CIAO2A: variants seen among roughly 807,000 people sequenced by gnomAD.
The protein encoded by CIAO2A is MIP18 family protein FAM96A.
In CIAO2A, 17 loss-of-function variants were observed where a neutral mutation model predicts 22.4. The observed-to-expected ratio is 0.76, with a 90% CI of 0.52 to 1.14. The LOEUF is 1.14. Among genes scored for constraint, CIAO2A ranks in the 50% most tolerant of loss-of-function variants. The probability of loss-of-function intolerance (pLI) is 0.00; values close to 1 mark genes in which losing one functional copy is unlikely to be tolerated. For missense variants in CIAO2A, 192 were observed against 191.4 expected (o/e 1.00, Z -0.02); for synonymous variants, 74 against 72.3 (o/e 1.02, Z -0.12).
intron 3 of CIAO2A, among the ~76,000 whole-genome samples, chr15:64,079,762 C>T (rs2080747072): frequency 6.6e-6 from 1 of 152,206 alleles, no homozygotes; most frequent in African/African-American, 2.4e-5. Flanking sequence ...TTAAAAACAT[C>T]TTCCTCAGAT....
At chr15:64,074,510 C>T (rs2080701504) in intron 4 of CIAO2A, 1 of 152,166 alleles carries the variant, frequency 6.6e-6, no homozygotes, top group Non-Finnish European at 1.5e-5. Context: ...GGTACCTAAA[C>T]TCTTATTTTT....
intron 1 of CIAO2A, among the ~76,000 whole-genome samples, 154 bp from the exon 2 acceptor site, chr15:64,089,005 T>C (rs1567308657): frequency 6.6e-6 from 1 of 152,194 alleles, no homozygotes; most frequent in Non-Finnish European, 1.5e-5. Context: ...TCACTACTGG[T>C]TTCCTCTTGA....
At chr15:64,077,340 A>G (rs1186639535) in intron 3 of CIAO2A, among the ~76,000 whole-genome samples, 1 of 151,644 alleles carries the variant, frequency 6.6e-6, no homozygotes, top group Non-Finnish European at 1.5e-5. Flanking sequence ...TTCTCCTAGT[A>G]GCAAAACACT....
chr15:64,074,396 A>G (rs1255994547), intron 4 of CIAO2A: 1 of 152,226 alleles, frequency 6.6e-6, no homozygotes, highest in Non-Finnish European at 1.5e-5. Context: ...GCACTTAATA[A>G]ATACTTACTA....
intron 1 of CIAO2A, among the ~76,000 whole-genome samples, chr15:64,091,483 CAAAAA>C (rs35800673): frequency 8.2e-6 from 1 of 121,460 alleles, no homozygotes. Context: ...GACTCTGTCT[CAAAAA>C]AAAAAAAAAA....
chr15:64,074,101 T>A (rs573994837), intron 4 of CIAO2A, among the ~76,000 whole-genome samples: 7 of 152,174 alleles, frequency 4.6e-5, no homozygotes, highest in East Asian at 1.9e-4. Context: ...GATCTTTTTT[T>A]AAAATTAGTT....
chr15:64,080,856 C>T (rs527435098), intron 3 of CIAO2A, among the ~76,000 whole-genome samples: 31 of 152,108 alleles, frequency 2.0e-4, no homozygotes, highest in Non-Finnish European at 4.3e-4. Context: ...CCGGGCGATT[C>T]CACTCACAGG....
At chr15:64,074,529 C>T (rs997516946) in intron 4 of CIAO2A, 12 of 152,182 alleles carry the variant, frequency 7.9e-5, no homozygotes, top group African/African-American at 2.9e-4. Context: ...TTCTAAATTA[C>T]AGGTAGAAGC....
At chr15:64,082,318 T>C (rs1376203113) in intron 2 of CIAO2A, among the ~76,000 whole-genome samples, 1 of 152,160 alleles carries the variant, frequency 6.6e-6, no homozygotes, top group Non-Finnish European at 1.5e-5. Flanking sequence ...AACCTCTACC[T>C]CCTGGGTTCA....
At chr15:64,076,145 A>T (rs1378283335) in intron 3 of CIAO2A, among the ~76,000 whole-genome samples, 1 of 152,170 alleles carries the variant, frequency 6.6e-6, no homozygotes, top group African/African-American at 2.4e-5. Context: ...ATGAGATCTC[A>T]TATGTGTGGT....
chr15:64,077,628 G>T (rs931565665), intron 3 of CIAO2A, among the ~76,000 whole-genome samples: 1 of 152,078 alleles, frequency 6.6e-6, no homozygotes, highest in Non-Finnish European at 1.5e-5. Context: ...ATCTAACCAG[G>T]AAACATCAGA....
intron 1 of CIAO2A, among the ~76,000 whole-genome samples, chr15:64,091,068 C>T (rs190225632): frequency 7.0e-4 from 106 of 152,266 alleles, no homozygotes; most frequent in Admixed American, 4.8e-3. Context: ...GTTCTCAAAT[C>T]TGAAGTTTTG....
At position 64,093,828 on chromosome 15, in the gene CIAO2A, CG is replaced by C; in HGVS notation, c.-61del. 6.3e-7 allele frequency: 1 copy of C among 1,582,048 alleles called. No individual in the cohort carries two copies. Among genetic ancestry groups the C allele is most frequent in the South Asian group, 1.1e-5 (1 of 89,182 alleles). On this transcript the variant is annotated 5_prime_UTR_variant, in exon 1 of 5. Transcript: ENST00000300030. ...TCGCGCCACCGTCTCTCAGCAGCCTCGGGATTGATCAACTTCCTGGTCTTCA... is the reference window on the plus strand; with the variant it reads ...TCGCGCCACCGTCTCTCAGCAGCCTCGGATTGATCAACTTCCTGGTCTTCA...
intron 3 of CIAO2A, among the ~76,000 whole-genome samples, chr15:64,076,822 T>C (rs1191912386): frequency 1.3e-5 from 2 of 150,406 alleles, no homozygotes; most frequent in Non-Finnish European, 2.9e-5. Context: ...CTTCCTGGGC[T>C]CAGGTGATCC....
At chr15:64,090,517 G>A (rs377658219) in intron 1 of CIAO2A, among the ~76,000 whole-genome samples, 6 of 152,220 alleles carry the variant, frequency 3.9e-5, no homozygotes, top group Admixed American at 1.3e-4. Context: ...AGATCCATGC[G>A]AAGCACCTAA....
chr15:64,092,247 C>T (rs1261816988), intron 1 of CIAO2A, among the ~76,000 whole-genome samples: 1 of 152,090 alleles, frequency 6.6e-6, no homozygotes, highest in African/African-American at 2.4e-5. Flanking sequence ...AACCACAAAC[C>T]CTATCCTATA....
chr15:64,093,553 T>A, intron 1 of CIAO2A, 92 bp downstream of exon 1: 3 of 1,382,928 alleles, frequency 2.2e-6, no homozygotes, highest in African/African-American at 2.9e-5. Context: ...AGGTCTCCCC[T>A]CCCAGCCCTC....
chr15:64,081,016 A>G, intron 3 of CIAO2A, 86 bp downstream of exon 3: 1 of 1,312,204 alleles, frequency 7.6e-7, no homozygotes, highest in Non-Finnish European at 1.1e-6. Flanking sequence ...GGTACACTTT[A>G]AATACGTGAA....
intron 1 of CIAO2A, among the ~76,000 whole-genome samples, chr15:64,091,795 C>T (rs1389944954): frequency 3.3e-5 from 5 of 152,068 alleles, no homozygotes; most frequent in Admixed American, 1.3e-4. Flanking sequence ...TGTGGTGGCT[C>T]ATGCCTGTAA....
Sources: allele counts gnomAD v4.1 joint callset (sites outside exome capture counted in the v4.1 genomes callset), GRCh38; gene constraint gnomAD v4.1.1; transcripts MANE v1.5; gene names NCBI Gene and HGNC (gene_info 2026-07-23, HGNC 2026-07-21).